CD101: variants seen among roughly 807,000 people sequenced by gnomAD.
CD101 encodes CD101 molecule.
CD101 carries 76 observed loss-of-function variants against 98.2 expected under a neutral mutation model. The observed-to-expected ratio is 0.77, with a 90% CI of 0.64 to 0.94. The LOEUF (loss-of-function observed/expected upper bound fraction) is 0.94, where lower values mean the gene tolerates loss of function less well. CD101 is among the 40% of genes least tolerant of loss of function. The probability of loss-of-function intolerance (pLI) is 0.00; values close to 1 mark genes in which losing one functional copy is unlikely to be tolerated. For synonymous variants in CD101, 471 were observed against 472.7 expected (o/e 1.00, Z 0.05); for missense variants, 1,145 against 1,218.8 (o/e 0.94, Z 0.90).
At chr1:117,026,616 G>A (rs1389570431) in intron 8 of CD101, 1 of 152,184 alleles carries the variant, frequency 6.6e-6, no homozygotes, top group African/African-American at 2.4e-5. Flanking sequence ...AATAGGCTCT[G>A]TAGAATCGGC....
intron 7 of CD101, among the ~76,000 whole-genome samples, chr1:117,025,184 G>T (rs1653826951): frequency 6.6e-6 from 1 of 152,024 alleles, no homozygotes; most frequent in African/African-American, 2.4e-5. Context: ...CCAACATGGT[G>T]AAACCCCGTC....
In CD101 at chr1:117,004,134, G is replaced by A. The variant is rs1652400319; in HGVS notation, c.43+2274G>A. On this transcript the variant is annotated intron_variant, in intron 1 of 9. Transcript: ENST00000682167. The surrounding 1 kb of genome is among the most constrained non-coding windows in gnomAD (Gnocchi z 4.1). ...CCAAACTAGCTGCCCTACAAATAAT[G>A]GCCATTAATATGGCAGGGTTTGGGG... is the stretch of plus-strand genomic sequence containing the variant. 6.6e-6 allele frequency among the ~76,000 whole-genome samples: 1 copy of A among 151,982 alleles called. No individual in the cohort carries two copies. Among genetic ancestry groups the A allele is most frequent in the African/African-American group, 2.4e-5 (1 of 41,366 alleles).
chr1:117,026,092 T>A, intron 8 of CD101, 188 bp downstream of exon 8: 1 of 578,998 alleles, frequency 1.7e-6, no homozygotes, highest in Non-Finnish European at 2.9e-6. Flanking sequence ...ACAAACAAGG[T>A]CCACATGAGA....
chr1:117,018,317 CT>C lies in CD101; in HGVS notation c.1776del (p.Ile593PhefsTer34). ...AGCTAGCTCTCACATCTTCCACCAGCTTATTCGAATCACCCACAATGGCACT... is the reference window on the plus strand; with the variant it reads ...AGCTAGCTCTCACATCTTCCACCAGCTATTCGAATCACCCACAATGGCACT... ...QPASSHIFHQLIRITHNGTIE... is the reference protein window; with the variant it reads ...QPASSHIFHQXIRITHNGTIE... On this transcript the variant is annotated frameshift_variant, in exon 6 of 10. Transcript: ENST00000682167. LOFTEE classifies it high-confidence loss of function. This position sits in a 1 kb window ranked among gnomAD's most constrained non-coding sequence, Gnocchi z 4.3. 1 of 1,614,186 alleles carries C rather than the reference CT, an allele frequency of 6.2e-7. No individual in the cohort carries two copies. Among genetic ancestry groups the C allele is most frequent in the South Asian group, 1.1e-5 (1 of 91,084 alleles).
In CD101 at chr1:117,010,074, C is replaced by G; in HGVS notation, c.268C>G (p.Arg90Gly). 2 of 1,614,164 alleles carry G rather than the reference C, an allele frequency of 1.2e-6. No individual in the cohort carries two copies. Among genetic ancestry groups the G allele is most frequent in the South Asian group, 1.1e-5 (1 of 91,080 alleles). Residue 90 changes from arginine (R) to glycine (G), a missense_variant, in exon 2 of 10, where the codon CGA (arginine) becomes GGA (glycine). Physicochemically the swap from Arg to Gly is moderately radical, Grantham distance 125 (BLOSUM62 -2). Transcript: ENST00000682167. This position sits in a 1 kb window ranked among gnomAD's most constrained non-coding sequence, Gnocchi z 5.2. The stretch of plus-strand genomic sequence containing the variant: ...TTACGCAGTATATACGCAGCGGGTG[C>G]GAAGCGGAGACGTCTACGTGGAGAG... ...FSYAVYTQRV[R>G]SGDVYVERVQ... is the part of the protein sequence containing the mutation.
chr1:117,031,362 A>G (rs1654456364), intron 8 of CD101, among the ~76,000 whole-genome samples: 1 of 152,030 alleles, frequency 6.6e-6, no homozygotes, highest in African/African-American at 2.4e-5. Flanking sequence ...TCATTACCCC[A>G]CCATTCTAGC....
At position 117,021,928 on chromosome 1, in the gene CD101, G is replaced by A; in HGVS notation, c.2373G>A (p.Trp791Ter). The change falls in exon 7 of 10, where the codon TGG (tryptophan) becomes TGA (stop). Residue 791 changes from tryptophan to a stop codon, truncating the protein, a stop_gained. Transcript: ENST00000682167. LOFTEE classifies it high-confidence loss of function. This position sits in a 1 kb window ranked among gnomAD's most constrained non-coding sequence, Gnocchi z 4.7. ...EEWLLSTNGT[W>*]HKLGEKKSGL... is the part of the protein sequence containing the mutation. The stretch of plus-strand genomic sequence containing the variant: ...GGCTCCTGTCTACAAATGGCACTTG[G>A]CACAAGCTTGGAGAAAAGAAGTCAG... 6.2e-7 allele frequency: 1 copy of A among 1,613,622 alleles called. No homozygotes were observed. Among genetic ancestry groups the A allele is most frequent in the Non-Finnish European group, 8.5e-7 (1 of 1,179,872 alleles).
chr1:117,030,551 T>C (rs6686551), intron 8 of CD101, among the ~76,000 whole-genome samples: 71,682 of 152,008 alleles, frequency 0.47, 17,466 homozygotes, highest in African/African-American at 0.57. Context: ...CTGTGTGTCT[T>C]TACCACACTG....
intron 8 of CD101, among the ~76,000 whole-genome samples, chr1:117,027,819 C>T (rs191860825): frequency 1.3e-5 from 2 of 152,306 alleles, no homozygotes; most frequent in Admixed American, 1.3e-4. Context: ...CACAGTGGCT[C>T]GTGCCTGTAA....
At chr1:117,025,453 T>C in intron 7 of CD101, 56 bp from the exon 8 acceptor site, 1 of 1,432,146 alleles carries the variant, frequency 7.0e-7, no homozygotes, top group Non-Finnish European at 9.3e-7. Flanking sequence ...TTTTCAGAGG[T>C]GGTATCCAAA....
At chr1:117,013,834 G>A (rs1310624932) in intron 4 of CD101, 42 bp downstream of exon 4, 1 of 1,555,938 alleles carries the variant, frequency 6.4e-7, no homozygotes, top group African/African-American at 1.4e-5. Context: ...GCTGCTTTCA[G>A]ATGCCCCCTT....
rs1652420297 is a variant in CD101, at chr1:117,004,525, T to C, written c.43+2665T>C. 6.6e-6 allele frequency among the ~76,000 whole-genome samples: 1 copy of C among 152,186 alleles called. No individual in the cohort carries two copies. The highest frequency in any genetic ancestry group is 6.5e-5 in the Admixed American group (1 of 15,274). ...TGAAAGCATGATTCTAATGTTAGTA[T>C]GTCAGTGCCAAGCTTTGTACTCATC... On this transcript the variant is annotated intron_variant, in intron 1 of 9. Coordinates refer to ENST00000682167, the MANE Select transcript of CD101 (RefSeq NM_001256106.3). The surrounding 1 kb of genome is among the most constrained non-coding windows in gnomAD (Gnocchi z 4.1).
At chr1:117,003,395 G>T (rs985773768) in intron 1 of CD101, among the ~76,000 whole-genome samples, 2 of 152,220 alleles carry the variant, frequency 1.3e-5, no homozygotes, top group Non-Finnish European at 2.9e-5. Context: ...CAGACCTAGG[G>T]CCTGCAGGGG....
chr1:117,027,825 T>A lies in CD101; in HGVS notation c.2824+1921T>A, dbSNP rs560686151. Among the ~76,000 whole-genome samples, 17 of 152,314 alleles carry A rather than the reference T, an allele frequency of 1.1e-4. No individual in the cohort carries two copies. The South Asian group carries it at 3.5e-3, about 32-fold the overall frequency. ...GAGGTCGGGCACAGTGGCTCGTGCC[T>A]GTAATCCCAGCACTTTAGGAGGCCA... On this transcript the variant is annotated intron_variant, in intron 8 of 9. Transcript: ENST00000682167.
chr1:117,018,468 T>C lies in CD101; in HGVS notation c.1925T>C (p.Val642Ala). 3 of 1,614,172 alleles carry C rather than the reference T, an allele frequency of 1.9e-6. No homozygotes were observed. The highest frequency in any genetic ancestry group is 2.2e-5 in the East Asian group (1 of 44,886). Residue 642 changes from valine to alanine, a missense_variant, in exon 6 of 10, where the codon GTA (valine) becomes GCA (alanine). By Grantham distance (64) the Val-to-Ala change is moderately conservative (BLOSUM62 0). Transcript: ENST00000682167. The surrounding 1 kb of genome is among the most constrained non-coding windows in gnomAD (Gnocchi z 4.3). Reference protein sequence around the residue: ...EEETGVYQCEVEVYDRNSLYN... With the variant: ...EEETGVYQCEAEVYDRNSLYN... ...GAGACAGGAGTGTATCAGTGTGAAG[T>C]AGAAGTTTATGACAGAAATTCCCTA...
Position 117,004,265 on chromosome 1 carries a change from G to A in CD101, c.43+2405G>A, listed in dbSNP as rs1652407118. On this transcript the variant is annotated intron_variant, in intron 1 of 9. Transcript: ENST00000682167. The surrounding 1 kb of genome is among the most constrained non-coding windows in gnomAD (Gnocchi z 4.1). ...CAGCCTCCAAGCATATAGGGTTTTTGAATGTGAAAAGAGAAAGAAGCTGCT... is the reference window on the plus strand; with the variant it reads ...CAGCCTCCAAGCATATAGGGTTTTTAAATGTGAAAAGAGAAAGAAGCTGCT... 6.6e-6 allele frequency among the ~76,000 whole-genome samples: 1 copy of A among 152,174 alleles called. No homozygotes were observed. The highest frequency in any genetic ancestry group is 2.4e-5 in the African/African-American group (1 of 41,430).
chr1:117,034,334 C>T (rs1449437958), intron 9 of CD101, 200 bp downstream of exon 9: 5 of 540,838 alleles, frequency 9.2e-6, no homozygotes, highest in African/African-American at 3.8e-5. Context: ...AAGATAGCAT[C>T]ATTACCCTAC....
At chr1:117,024,843 G>A (rs1439745548) in intron 7 of CD101, among the ~76,000 whole-genome samples, 1 of 152,164 alleles carries the variant, frequency 6.6e-6, no homozygotes, top group African/African-American at 2.4e-5. Flanking sequence ...TACATGGCTT[G>A]AGGGAGCTGC....
chr1:117,033,788 A>G lies in CD101; in HGVS notation c.2825-72A>G. 6.3e-7 allele frequency: 1 copy of G among 1,593,402 alleles called. No homozygotes were observed. Among genetic ancestry groups the G allele is most frequent in the Non-Finnish European group, 8.6e-7 (1 of 1,167,166 alleles). On this transcript the variant is annotated intron_variant, in intron 8 of 9. Coordinates refer to ENST00000682167, the MANE Select transcript of CD101 (RefSeq NM_001256106.3). This position sits in a 1 kb window ranked among gnomAD's most constrained non-coding sequence, Gnocchi z 4.8. ...ATACTTGCCTATAACAATAAATCCC[A>G]GGAGTGTTTGTAATTGACTAGTACA...
Sources: gnomAD v4.1 joint callset for allele counts (sites outside exome capture counted in the v4.1 genomes callset) on GRCh38, gnomAD v4.1.1 for gene constraint, Gnocchi (gnomAD v3.1) non-coding constraint, MANE v1.5 for transcripts, NCBI Gene and HGNC (gene_info 2026-07-23, HGNC 2026-07-21) for gene names.